ZNF282: variants seen among roughly 807,000 people sequenced by gnomAD.
The protein encoded by ZNF282 is HTLV-I U5 repressive element-binding protein 1.
Under a neutral mutation model 61.9 loss-of-function variants are expected in ZNF282, and 30 were observed. The observed-to-expected ratio is 0.48, with a 90% CI of 0.36 to 0.66. ZNF282 has a LOEUF of 0.66. Among genes scored for constraint, ZNF282 ranks in the 30% least tolerant of loss-of-function variants. ZNF282 has a pLI of 0.00. For synonymous variants in ZNF282, 396 were observed against 405.0 expected, an observed-to-expected ratio of 0.98 and a Z score of 0.27; for missense variants, 788 against 941.4, an observed-to-expected ratio of 0.84 and a Z score of 2.13.
At chr7:149,209,268 G>T (rs1025570477) in intron 4 of ZNF282, among the ~76,000 whole-genome samples, 5 of 151,708 alleles carry the variant, frequency 3.3e-5, no homozygotes, top group Non-Finnish European at 5.9e-5. Context: ...CTTGCAGTGA[G>T]CCGAGATTGT....
intron 1 of ZNF282, among the ~76,000 whole-genome samples, chr7:149,197,633 C>T (rs191666854): frequency 2.9e-4 from 44 of 152,298 alleles, no homozygotes; most frequent in East Asian, 2.7e-3. Flanking sequence ...CCACCACACC[C>T]GGCTAATTTT....
chr7:149,196,137 C>T (rs939325100), intron 1 of ZNF282, among the ~76,000 whole-genome samples: 1 of 152,254 alleles, frequency 6.6e-6, no homozygotes, highest in Admixed American at 6.5e-5. Context: ...GTGCTTCCGC[C>T]CGGCCGCAGA....
chr7:149,197,836 G>A (rs1476529236), intron 1 of ZNF282, among the ~76,000 whole-genome samples: 4 of 152,226 alleles, frequency 2.6e-5, no homozygotes, highest in African/African-American at 7.2e-5. Flanking sequence ...GAGGCGCTGC[G>A]GAGTGACCAG....
chr7:149,213,721 G>A lies in ZNF282; in HGVS notation c.1087G>A (p.Asp363Asn). The change falls in exon 7 of 8, where the codon GAC (aspartate) becomes AAC (asparagine). Residue 363 changes from aspartate (D) to asparagine (N), a missense_variant. This residue lies in a region of ZNF282 where 559 missense variants were observed against 642.0 expected (regional missense o/e 0.87). Coordinates refer to ENST00000610704, the MANE Select transcript of ZNF282 (RefSeq NM_003575.4). ...AACAGAGTCTCTCATCTCAGCACAT[G>A]ACATTTTGTCATGGATCAAGCAGGA... is the stretch of plus-strand genomic sequence containing the variant. ...PNSESLISAH[D>N]ILSWIKQEEQ... 6.2e-7 allele frequency: 1 copy of A among 1,613,640 alleles called. No homozygotes were observed. Among genetic ancestry groups the A allele is most frequent in the South Asian group, 1.1e-5 (1 of 91,002 alleles).
chr7:149,204,748 T>C (rs887449494), intron 2 of ZNF282, among the ~76,000 whole-genome samples: 6 of 152,084 alleles, frequency 3.9e-5, no homozygotes, highest in African/African-American at 9.7e-5. Flanking sequence ...AACAAGAAGC[T>C]TCTGAAGCAG....
intron 6 of ZNF282, among the ~76,000 whole-genome samples, chr7:149,213,051 A>G (rs1178891168): frequency 1.3e-5 from 2 of 152,180 alleles, no homozygotes; most frequent in Non-Finnish European, 2.9e-5. Flanking sequence ...GGGAGGCATA[A>G]AAGAACAATG....
chr7:149,220,878 G>A (rs564663848), intron 7 of ZNF282, among the ~76,000 whole-genome samples: 1 of 151,470 alleles, frequency 6.6e-6, no homozygotes, highest in South Asian at 2.1e-4. Context: ...CACTAGAGAC[G>A]TGGGCCAGGA....
chr7:149,196,394 G>T (rs974560820), intron 1 of ZNF282, among the ~76,000 whole-genome samples: 5 of 152,256 alleles, frequency 3.3e-5, no homozygotes, highest in African/African-American at 1.2e-4. Flanking sequence ...CCAGAGCTCA[G>T]GGTCTCTGAC....
intron 7 of ZNF282, among the ~76,000 whole-genome samples, chr7:149,219,473 C>A (rs1796204661): frequency 6.6e-6 from 1 of 152,178 alleles, no homozygotes; most frequent in Non-Finnish European, 1.5e-5. Context: ...GTCAGACACC[C>A]ATGAGTGGTT....
intron 6 of ZNF282, among the ~76,000 whole-genome samples, chr7:149,213,248 C>G (rs1796113511): frequency 6.6e-6 from 1 of 152,150 alleles, no homozygotes; most frequent in Non-Finnish European, 1.5e-5. Flanking sequence ...TTGAGGGGAC[C>G]CAGGGCAGAG....
In ZNF282 at chr7:149,224,595, G is replaced by A. The variant is rs1563182505; in HGVS notation, c.1964G>A (p.Gly655Asp). The change falls in exon 8 of 8, where the codon GGC becomes GAC. Residue 655 changes from glycine to aspartate, a missense_variant. Transcript: ENST00000610704. ...LKDHLRVHSGGPGPGAPRQLP... is the reference protein window; with the variant it reads ...LKDHLRVHSGDPGPGAPRQLP... ...GACCACCTGCGCGTGCACAGCGGCG[G>A]CCCGGGCCCCGGCGCCCCACGGCAG... is the stretch of plus-strand genomic sequence containing the variant. 2 of 1,573,282 alleles carry A rather than the reference G, an allele frequency of 1.3e-6. No individual in the cohort carries two copies. The highest frequency in any genetic ancestry group is 1.7e-6 in the Non-Finnish European group (2 of 1,164,250).
intron 7 of ZNF282, among the ~76,000 whole-genome samples, chr7:149,222,325 C>A (rs933858603): frequency 2.0e-5 from 3 of 152,168 alleles, no homozygotes; most frequent in Non-Finnish European, 4.4e-5. Context: ...TCCCAGCTGC[C>A]CACACCTGCC....
chr7:149,200,662 C>T (rs1795894389), intron 2 of ZNF282, among the ~76,000 whole-genome samples: 1 of 152,136 alleles, frequency 6.6e-6, no homozygotes, highest in Admixed American at 6.5e-5. Flanking sequence ...GTGACGTGAT[C>T]TTGGCTCACT....
intron 2 of ZNF282, among the ~76,000 whole-genome samples, chr7:149,204,728 G>T (rs1380378419): frequency 6.6e-6 from 1 of 152,208 alleles, no homozygotes; most frequent in Non-Finnish European, 1.5e-5. Context: ...CAAGGTGTCA[G>T]CAAGAGACAA....
chr7:149,210,470 G>A, intron 4 of ZNF282, 115 bp from the exon 5 acceptor site: 1 of 1,525,722 alleles, frequency 6.6e-7, no homozygotes, highest in Non-Finnish European at 8.9e-7. Context: ...GAATGTCCTG[G>A]TGACCAGCAT....
At chr7:149,219,601 C>A (rs144621941) in intron 7 of ZNF282, among the ~76,000 whole-genome samples, 2,667 of 152,290 alleles carry the variant, frequency 0.018, 78 homozygotes, top group African/African-American at 0.061. Context: ...AATCTCAGCA[C>A]TTTGGGAGGC....
At chr7:149,209,793 T>C (rs573567956) in intron 4 of ZNF282, among the ~76,000 whole-genome samples, 1 of 152,242 alleles carries the variant, frequency 6.6e-6, no homozygotes, top group African/African-American at 2.4e-5. Flanking sequence ...AGGCCCTGTT[T>C]GTTGCATGCT....
Position 149,213,688 on chromosome 7 carries a change from T to C in ZNF282, c.1067-13T>C, listed in dbSNP as rs748699652. 6.2e-7 allele frequency: 1 copy of C among 1,604,418 alleles called. No homozygotes were observed. The highest frequency in any genetic ancestry group is 2.2e-5 in the East Asian group (1 of 44,810). On this transcript the variant is annotated splice_polypyrimidine_tract_variant and intron_variant, in intron 6 of 7. Coordinates refer to ENST00000610704, the MANE Select transcript of ZNF282 (RefSeq NM_003575.4). The stretch of plus-strand genomic sequence containing the variant: ...GAACAAAATCTAAGACTGCCTTCTT[T>C]CCATGACAACAGAGTCTCTCATCTC...
rs1264868592 is a variant in ZNF282 at position 149,224,884 on chromosome 7, C to T, written c.*237C>T. 1.5e-6 allele frequency: 1 copy of T among 682,010 alleles called. No homozygotes were observed. Among genetic ancestry groups the T allele is most frequent in the Non-Finnish European group, 2.3e-6 (1 of 434,846 alleles). The allele number at this position is 682,010 out of a possible 1,614,324, so 42.2% of individuals were successfully genotyped here. On this transcript the variant is annotated 3_prime_UTR_variant, in exon 8 of 8. Coordinates refer to ENST00000610704, the MANE Select transcript of ZNF282 (RefSeq NM_003575.4). ...AAGAGCCAGGGGGACCGCGAGGAGC[C>T]GAGCGTCCTCGGGCACCGCCCTCAC...
Sources: gnomAD v4.1 joint callset for allele counts (sites outside exome capture counted in the v4.1 genomes callset) on GRCh38, gnomAD v4.1.1 for gene constraint, gnomAD v4.1.1 regional missense constraint, MANE v1.5 for transcripts, NCBI Gene and HGNC (gene_info 2026-07-23, HGNC 2026-07-21) for gene names.